ASAH1: variants seen among roughly 807,000 people sequenced by gnomAD.
The protein encoded by ASAH1 is acid ceramidase.
In ASAH1, 70 loss-of-function variants were observed where a neutral mutation model predicts 59.5. The observed-to-expected ratio is 1.18, with a 90% CI of 0.97 to 1.43. The LOEUF (loss-of-function observed/expected upper bound fraction) is 1.43, where lower values mean the gene tolerates loss of function less well. ASAH1 is among the 40% of genes most tolerant of loss of function. The pLI, the probability that ASAH1 is intolerant of heterozygous loss-of-function variation, is 0.00. For synonymous variants in ASAH1, 213 were observed against 166.5 expected, an observed-to-expected ratio of 1.28 and a Z score of -2.15; for missense variants, 660 against 482.5, an observed-to-expected ratio of 1.37 and a Z score of -3.45.
chr8:18,083,558 G>C, intron 1 of ASAH1: 1 of 285,426 alleles, frequency 3.5e-6, no homozygotes, highest in South Asian at 3.2e-5. Context: ...CAGTATCCTG[G>C]GCTGAACTCC....
At chr8:18,077,450 A>ATCT (rs1800453559) in intron 1 of ASAH1, among the ~76,000 whole-genome samples, 1 of 152,170 alleles carries the variant, frequency 6.6e-6, no homozygotes, top group Admixed American at 6.5e-5. Flanking sequence ...TTCTTCGAAA[A>ATCT]CATCCTCGCC....
intron 5 of ASAH1, 77 bp downstream of exon 5, chr8:18,067,143 A>ATATCTAAGACATACAGCACCTGTGCTGTG: frequency 7.6e-7 from 1 of 1,321,242 alleles, no homozygotes; most frequent in Non-Finnish European, 1.1e-6. Context: ...CCTGTGCTGT[A>ATATCTAAGACATACAGCACCTGTGCTGTG]TGTATATCAC....
intron 6 of ASAH1, 168 bp from the exon 7 acceptor site, chr8:18,063,398 G>C: frequency 3.0e-6 from 2 of 659,834 alleles, no homozygotes; most frequent in Non-Finnish European, 5.5e-6. Flanking sequence ...CTGCCTCCCA[G>C]GTTCAAGCAA....
upstream of ASAH1, chr8:18,084,459 T>C: frequency 7.5e-7 from 1 of 1,329,462 alleles, no homozygotes; most frequent in Non-Finnish European, 1.0e-6. Flanking sequence ...CTGTCCCGCG[T>C]ACCCAGGCGT....
Position 18,059,705 on chromosome 8 carries a change from T to G in ASAH1, c.786-2A>C. The stretch of plus-strand genomic sequence containing the variant: ...AATAAATTCTTGGCTTCTTCATAAC[T>G]ATATAGAAACATTTAAAAAGAAAAA... On this transcript the variant is annotated splice_acceptor_variant, in intron 10 of 13. Transcript: ENST00000637790. LOFTEE classifies it high-confidence loss of function. 1.9e-6 allele frequency: 3 copies of G among 1,610,818 alleles called. No individual in the cohort carries two copies. Among genetic ancestry groups the G allele is most frequent in the Non-Finnish European group, 2.5e-6 (3 of 1,178,774 alleles).
intron 2 of ASAH1, among the ~76,000 whole-genome samples, chr8:18,074,136 A>C (rs914379712): frequency 6.6e-6 from 1 of 152,212 alleles, no homozygotes; most frequent in African/African-American, 2.4e-5. Flanking sequence ...TCAAACATGG[A>C]AGGCACCTCA....
At chr8:18,084,913 G>A, upstream of ASAH1, 5 of 1,466,500 alleles carry the variant, frequency 3.4e-6, no homozygotes, top group South Asian at 4.8e-5. Flanking sequence ...CTTGGCTTTC[G>A]TGCCATCCGT....
At chr8:18,059,200 A>C in intron 12 of ASAH1, 141 bp downstream of exon 12, 1 of 1,388,616 alleles carries the variant, frequency 7.2e-7, no homozygotes, top group Admixed American at 2.0e-5. Flanking sequence ...AAAACGAAAC[A>C]AAAAAATCAG....
At chr8:18,078,492 G>A (rs1174550230) in intron 1 of ASAH1, among the ~76,000 whole-genome samples, 2 of 152,122 alleles carry the variant, frequency 1.3e-5, no homozygotes, top group Non-Finnish European at 2.9e-5. Flanking sequence ...AGTATTTCAG[G>A]GGCTCACATG....
At chr8:18,077,436 C>T (rs1800452067) in intron 1 of ASAH1, among the ~76,000 whole-genome samples, 1 of 152,162 alleles carries the variant, frequency 6.6e-6, no homozygotes, top group African/African-American at 2.4e-5. Flanking sequence ...ATTATTTTCT[C>T]AGCTTCTTCG....
At chr8:18,058,937 G>C in intron 12 of ASAH1, 46 bp from the exon 13 acceptor site, 3 of 1,532,520 alleles carry the variant, frequency 2.0e-6, no homozygotes, top group Non-Finnish European at 2.7e-6. Context: ...AAATACAGAA[G>C]CCAACAGCCT....
Position 18,063,218 on chromosome 8 carries a change from T to C in ASAH1, c.470A>G (p.His157Arg). 1 of 1,613,650 alleles carries C rather than the reference T, an allele frequency of 6.2e-7. No homozygotes were observed. Among genetic ancestry groups the C allele is most frequent in the East Asian group, 2.2e-5 (1 of 44,878 alleles). Residue 157 changes from histidine to arginine, a missense_variant, in exon 7 of 14, where the codon CAT (histidine) becomes CGT (arginine). Transcript: ENST00000637790. ...VAEDKKGHLI[H>R]GRNMDFGVFL... ...TACTCCAAAATCCATGTTTCTCCCA[T>C]GTATTAGATGACCTATTTGAAGGTA...
At chr8:18,062,178 C>T (rs1305731530) in intron 8 of ASAH1, 101 bp downstream of exon 8, 16 of 1,508,050 alleles carry the variant, frequency 1.1e-5, no homozygotes, top group South Asian at 2.3e-5. Flanking sequence ...AATGGGGCTT[C>T]ATATTCCCTT....
chr8:18,073,141 T>C (rs1800244443), intron 2 of ASAH1: 2 of 1,007,664 alleles, frequency 2.0e-6, no homozygotes, highest in South Asian at 1.5e-5. Flanking sequence ...ATTATTTTAA[T>C]GACTAAAGCT....
At chr8:18,084,718 C>G (rs1800823904), upstream of ASAH1, 3 of 1,613,680 alleles carry the variant, frequency 1.9e-6, no homozygotes, top group Non-Finnish European at 2.5e-6. Context: ...GAATTGAGGC[C>G]TCGGTGAAAA....
At chr8:18,075,471 A>G in intron 2 of ASAH1, 70 bp downstream of exon 2, 2 of 1,441,796 alleles carry the variant, frequency 1.4e-6, no homozygotes, top group Non-Finnish European at 2.0e-6. Flanking sequence ...TTCGTTTATG[A>G]GCAATTATTA....
chr8:18,063,160 G>A, intron 7 of ASAH1, 25 bp downstream of exon 7: 1 of 1,611,866 alleles, frequency 6.2e-7, no homozygotes, highest in Non-Finnish European at 8.5e-7. Flanking sequence ...GAACCACCAT[G>A]CCTGACCCTT....
chr8:18,058,443 TGTA>T (rs1459968360), intron 13 of ASAH1: 1 of 188,558 alleles, frequency 5.3e-6, no homozygotes, highest in East Asian at 1.5e-4. Context: ...GATAAACAGA[TGTA>T]GTAAAGTTTA....
At chr8:18,083,196 C>G (rs945924390) in intron 1 of ASAH1, 1 of 152,220 alleles carries the variant, frequency 6.6e-6, no homozygotes, top group African/African-American at 2.4e-5. Context: ...ATTCTGTTGG[C>G]AAAGACAAAC....
Sources: gnomAD v4.1 joint callset for allele counts (sites outside exome capture counted in the v4.1 genomes callset) on GRCh38, gnomAD v4.1.1 for gene constraint, MANE v1.5 for transcripts, NCBI Gene and HGNC (gene_info 2026-07-23, HGNC 2026-07-21) for gene names.